ZMPSTE24: variants seen among roughly 807,000 people sequenced by gnomAD.
ZMPSTE24 encodes the protein CAAX prenyl protease 1 homolog.
A neutral mutation model predicts 56.7 loss-of-function variants in ZMPSTE24; 48 were observed. That is an observed-to-expected ratio of 0.85 (90% CI 0.67 to 1.08). The LOEUF (loss-of-function observed/expected upper bound fraction) is 1.08, where lower values mean the gene tolerates loss of function less well. Among genes scored for constraint, ZMPSTE24 ranks in the 50% least tolerant of loss-of-function variants. The pLI, the probability that ZMPSTE24 is intolerant of heterozygous loss-of-function variation, is 0.00. For synonymous variants in ZMPSTE24, 172 were observed against 195.2 expected (o/e 0.88, Z 0.99); for missense variants, 503 against 548.7 (o/e 0.92, Z 0.83).
rs116615251 is a variant in ZMPSTE24, at chr1:40,288,146, T to A, written c.1059+2117T>A. ...TGAGCCATGATCACACCACTGCACT[T>A]CCAGCCTGGGTGACAGACCCTGTCT... On this transcript the variant is annotated intron_variant, in intron 8 of 9. Transcript: ENST00000372759. Among the ~76,000 whole-genome samples, 633 of 152,112 alleles carry A rather than the reference T, an allele frequency of 4.2e-3. 6 individuals carry two copies. The highest frequency in any genetic ancestry group is 0.015 in the African/African-American group (606 of 41,508).
At chr1:40,266,791 A>G (rs1643553733) in intron 2 of ZMPSTE24, among the ~76,000 whole-genome samples, 2 of 93,236 alleles carry the variant, frequency 2.1e-5, no homozygotes, top group Admixed American at 1.4e-4. Context: ...TTTTTTTGAG[A>G]CAGGGTCTCA....
intron 6 of ZMPSTE24, 52 bp downstream of exon 6, chr1:40,272,087 G>A (rs1471179231): frequency 1.3e-6 from 2 of 1,500,534 alleles, no homozygotes; most frequent in Admixed American, 2.3e-5. Flanking sequence ...TGTTTTATTT[G>A]ATACTTTATT....
intron 6 of ZMPSTE24, among the ~76,000 whole-genome samples, chr1:40,273,537 A>AAAAAAAAAAAATAT (rs1224234676): frequency 1.7e-3 from 21 of 12,384 alleles, no homozygotes; most frequent in Non-Finnish European, 2.8e-3. Flanking sequence ...AAAAAAAAAA[A>AAAAAAAAAAAATAT]ATATATATAT....
At chr1:40,290,555 G>T (rs1303996364) in intron 8 of ZMPSTE24, 2 of 281,356 alleles carry the variant, frequency 7.1e-6, no homozygotes, top group Non-Finnish European at 6.6e-6. Flanking sequence ...CCGCCTCCCG[G>T]GTTCACGCCA....
chr1:40,272,921 C>T (rs747725907), intron 6 of ZMPSTE24, among the ~76,000 whole-genome samples: 6 of 152,140 alleles, frequency 3.9e-5, no homozygotes, highest in African/African-American at 7.2e-5. Flanking sequence ...TTTAGCTTTG[C>T]GGGCCACTTG....
intron 1 of ZMPSTE24, 95 bp downstream of exon 1, chr1:40,258,489 C>T (rs1643461459): frequency 6.3e-7 from 1 of 1,595,568 alleles, no homozygotes; most frequent in Non-Finnish European, 8.5e-7. Context: ...CTTCGGTCCC[C>T]GCGCCAGTCT....
chr1:40,265,036 G>A (rs577737934), intron 2 of ZMPSTE24, among the ~76,000 whole-genome samples: 13 of 152,094 alleles, frequency 8.5e-5, no homozygotes, highest in Admixed American at 3.3e-4. Context: ...ACCATGCTTT[G>A]TTTTTCAGTC....
chr1:40,269,582 G>T (rs1643592492), intron 4 of ZMPSTE24, among the ~76,000 whole-genome samples: 1 of 151,960 alleles, frequency 6.6e-6, no homozygotes, highest in Non-Finnish European at 1.5e-5. Flanking sequence ...ACCTCAGCCT[G>T]CCTAGTATCT....
intron 6 of ZMPSTE24, among the ~76,000 whole-genome samples, chr1:40,275,538 G>A (rs1421165050): frequency 4.6e-5 from 7 of 151,914 alleles, no homozygotes; most frequent in Non-Finnish European, 7.4e-5. Flanking sequence ...GATTACCTGA[G>A]GTCAAGAGTT....
At chr1:40,279,155 T>C (rs1000501507) in intron 6 of ZMPSTE24, among the ~76,000 whole-genome samples, 1 of 152,216 alleles carries the variant, frequency 6.6e-6, no homozygotes, top group African/African-American at 2.4e-5. Flanking sequence ...AAAAAAGGTA[T>C]GTCTTCTTCC....
At chr1:40,265,494 C>T (rs1643539636) in intron 2 of ZMPSTE24, among the ~76,000 whole-genome samples, 1 of 152,078 alleles carries the variant, frequency 6.6e-6, no homozygotes, top group Admixed American at 6.5e-5. Context: ...AGTGAGAGGA[C>T]TGCTTGAGGC....
In ZMPSTE24 at chr1:40,270,014, G is replaced by T; in HGVS notation, c.514G>T (p.Val172Phe). 1.2e-6 allele frequency: 2 copies of T among 1,613,786 alleles called. No homozygotes were observed. The highest frequency in any genetic ancestry group is 1.7e-6 in the Non-Finnish European group (2 of 1,179,926). ...CATGAAAGATGCAATCAAGAAATTT[G>T]TTGTGACTCAGTGTATTTTGTTGCC... is the stretch of plus-strand genomic sequence containing the variant. ...FFMKDAIKKF[V>F]VTQCILLPVS... The change falls in exon 5 of 10, where the codon GTT (valine) becomes TTT (phenylalanine). Residue 172 changes from valine to phenylalanine, a missense_variant. Val to Phe is a conservative substitution (Grantham distance 50, BLOSUM62 -1). Coordinates refer to ENST00000372759, the MANE Select transcript of ZMPSTE24 (RefSeq NM_005857.5).
At chr1:40,265,029 A>G (rs1332658784) in intron 2 of ZMPSTE24, among the ~76,000 whole-genome samples, 2 of 152,132 alleles carry the variant, frequency 1.3e-5, no homozygotes, top group African/African-American at 2.4e-5. Context: ...ACAGTTCACC[A>G]TGCTTTGTTT....
chr1:40,259,901 C>G (rs1406032016), intron 1 of ZMPSTE24, among the ~76,000 whole-genome samples: 1 of 151,460 alleles, frequency 6.6e-6, no homozygotes, highest in Admixed American at 6.6e-5. Context: ...GCTCGATCTC[C>G]CCTCAGCTTT....
At chr1:40,269,861 GCA>G in intron 4 of ZMPSTE24, 112 bp from the exon 5 acceptor site, 1 of 1,215,488 alleles carries the variant, frequency 8.2e-7, no homozygotes. Flanking sequence ...TAGTTTCACT[GCA>G]TGTTAATTTT....
intron 8 of ZMPSTE24, chr1:40,290,643 T>A: frequency 2.3e-6 from 1 of 438,860 alleles, no homozygotes; most frequent in South Asian, 2.1e-5. Context: ...TCTGCATTTT[T>A]AGTAGAGACG....
At chr1:40,282,184 G>A (rs1643737459) in intron 7 of ZMPSTE24, among the ~76,000 whole-genome samples, 1 of 152,236 alleles carries the variant, frequency 6.6e-6, no homozygotes, top group Non-Finnish European at 1.5e-5. Context: ...AATTGCTACT[G>A]TCAAGCTTTA....
intron 6 of ZMPSTE24, among the ~76,000 whole-genome samples, chr1:40,281,133 A>C (rs1251356624): frequency 6.6e-6 from 1 of 152,228 alleles, no homozygotes; most frequent in African/African-American, 2.4e-5. Flanking sequence ...TTATTTACTT[A>C]CTGCTATAAA....
chr1:40,270,568 C>T (rs1270427990), intron 5 of ZMPSTE24, among the ~76,000 whole-genome samples: 2 of 152,136 alleles, frequency 1.3e-5, no homozygotes, highest in African/African-American at 4.8e-5. Context: ...TTGCCTTTCC[C>T]TTCCACGTTA....
Sources: gnomAD v4.1 joint callset for allele counts (sites outside exome capture counted in the v4.1 genomes callset) on GRCh38, gnomAD v4.1.1 for gene constraint, MANE v1.5 for transcripts, NCBI Gene and HGNC (gene_info 2026-07-23, HGNC 2026-07-21) for gene names.